CRIP2: variants seen among roughly 807,000 people sequenced by gnomAD.
CRIP2 encodes the protein cysteine rich protein 2, also known as cysteine-rich protein 2.
In CRIP2, 31 loss-of-function variants were observed where a neutral mutation model predicts 31.3. That is an observed-to-expected ratio of 0.99 (90% CI 0.74 to 1.34). The LOEUF (loss-of-function observed/expected upper bound fraction) is 1.34. CRIP2 is among the 40% of genes most tolerant of loss of function. The probability of loss-of-function intolerance (pLI) is 0.00; values close to 1 mark genes in which losing one functional copy is unlikely to be tolerated. For missense variants in CRIP2, 389 were observed against 301.6 expected, an observed-to-expected ratio of 1.29 and a Z score of -2.15; for synonymous variants, 177 against 127.2, an observed-to-expected ratio of 1.39 and a Z score of -2.63.
chr14:105,476,796 G>GT, intron 1 of CRIP2: 2 of 982,482 alleles, frequency 2.0e-6, no homozygotes, highest in South Asian at 9.4e-5. Flanking sequence ...CTCTAAGCTG[G>GT]TGCAGCCTTG....
At position 105,479,927 on chromosome 14, in the gene CRIP2, A is replaced by C; in HGVS notation, c.*274A>C. 3.9e-6 allele frequency: 2 copies of C among 508,050 alleles called. No homozygotes were observed. The highest frequency in any genetic ancestry group is 7.1e-6 in the Non-Finnish European group (2 of 280,042). The allele number at this position is 508,050 out of a possible 1,614,324, so 31.5% of individuals were successfully genotyped here. On this transcript the variant is annotated 3_prime_UTR_variant, in exon 8 of 8. Coordinates refer to ENST00000329146, the MANE Select transcript of CRIP2 (RefSeq NM_001312.4). ...ACCCTGTCCCAGCATTTTCCCGCCG[A>C]CCCTGCGTGTCCCCGTGGCGCTGTC...
rs782132634 is a variant in CRIP2 at position 105,479,252 on chromosome 14, G to T, written c.501+33G>T. The stretch of plus-strand genomic sequence containing the variant: ...GAGTGCAACGGGGCTTGGGGGCCGG[G>T]CAGGGGCGCGGGGTCGGGGGGATGA... On this transcript the variant is annotated intron_variant, in intron 6 of 7. Coordinates refer to ENST00000329146, the MANE Select transcript of CRIP2 (RefSeq NM_001312.4). 3.2e-6 allele frequency: 5 copies of T among 1,579,112 alleles called. No individual in the cohort carries two copies. In the South Asian group the frequency reaches 5.7e-5, roughly 18 times the overall value.
In CRIP2 at chr14:105,478,835, C is replaced by T. The variant is rs1428783972; in HGVS notation, c.301C>T (p.Arg101Trp). 4 of 1,426,992 alleles carry T rather than the reference C, an allele frequency of 2.8e-6. No individual in the cohort carries two copies. The highest frequency in any genetic ancestry group is 6.1e-5 in the Admixed American group (2 of 32,856). 88.4% of individuals were successfully genotyped at this position (1,426,992 alleles called of 1,614,324 possible). A position where few individuals can be genotyped will look rare whatever the true frequency, so the allele number is the denominator to read the frequency against. ...GGTCCCCGCGGCCCGAGCAGAGGAGCGGAAGGCGAGCGGCCCCCCGAAGGG... is the reference window on the plus strand; with the variant it reads ...GGTCCCCGCGGCCCGAGCAGAGGAGTGGAAGGCGAGCGGCCCCCCGAAGGG... Reference protein sequence around the residue: ...IEVPAARAEERKASGPPKGPS... With the variant: ...IEVPAARAEEWKASGPPKGPS... Residue 101 changes from arginine to tryptophan, a missense_variant, in exon 4 of 8, where the codon CGG (arginine) becomes TGG (tryptophan). By Grantham distance (101) the Arg-to-Trp change is moderately radical. Coordinates refer to ENST00000329146, the MANE Select transcript of CRIP2 (RefSeq NM_001312.4). The surrounding 1 kb of genome is among the most constrained non-coding windows in gnomAD (Gnocchi z 4.9).
chr14:105,479,266 T>G, intron 6 of CRIP2, 47 bp downstream of exon 6: 1 of 1,469,756 alleles, frequency 6.8e-7, no homozygotes, highest in Non-Finnish European at 9.3e-7. Flanking sequence ...GGGCGCGGGG[T>G]CGGGGGGATG....
At position 105,478,189 on chromosome 14, in the gene CRIP2, TG is replaced by T; in HGVS notation, c.44-75del. ...TGGGGACCCCCGGAGCGCGTGGGGG[TG>T]GTGGCTGCCAGGTGGGGGCGGAGGG... is the stretch of plus-strand genomic sequence containing the variant. On this transcript the variant is annotated intron_variant, in intron 1 of 7. Transcript: ENST00000329146. This position sits in a 1 kb window ranked among gnomAD's most constrained non-coding sequence, Gnocchi z 4.9. 8.6e-7 allele frequency: 1 copy of T among 1,164,316 alleles called. No homozygotes were observed. Among genetic ancestry groups the T allele is most frequent in the Non-Finnish European group, 1.2e-6 (1 of 866,040 alleles). 72.1% of individuals were successfully genotyped at this position (1,164,316 alleles called of 1,614,324 possible).
At chr14:105,477,184 C>T (rs1440128973) in intron 1 of CRIP2, 4 of 774,688 alleles carry the variant, frequency 5.2e-6, no homozygotes, top group South Asian at 1.2e-4. Flanking sequence ...CCCTTCCTGC[C>T]CCTCCCCACC....
upstream of CRIP2, chr14:105,473,144 A>T: frequency 1.5e-6 from 2 of 1,362,914 alleles, no homozygotes; most frequent in Non-Finnish European, 2.0e-6. Context: ...AGGGTTTGGC[A>T]GTGGGCCCAT....
At chr14:105,473,694 G>A (rs1555435207), upstream of CRIP2, among the ~76,000 whole-genome samples, 1 of 152,238 alleles carries the variant, frequency 6.6e-6, no homozygotes, top group Non-Finnish European at 1.5e-5. Context: ...GGAAGCCCGT[G>A]GGTGCGGAGG....
In CRIP2 at chr14:105,480,042, A is replaced by C. The variant is rs587691964; in HGVS notation, c.*389A>C. 25 of 225,630 alleles carry C rather than the reference A, an allele frequency of 1.1e-4. No homozygotes were observed. The South Asian group carries it at 1.7e-3, about 15-fold the overall frequency. 14.0% of individuals were successfully genotyped at this position (225,630 alleles called of 1,614,324 possible). On this transcript the variant is annotated 3_prime_UTR_variant, in exon 8 of 8. Transcript: ENST00000329146. ...GCCACGCCCTCACCATGTCCCTGGC[A>C]GAGGGCTTCCCTCCGGGATCCCCTG...
chr14:105,476,758 C>A (rs931859620), intron 1 of CRIP2: 49 of 985,448 alleles, frequency 5.0e-5, no homozygotes, highest in Non-Finnish European at 5.5e-5. Flanking sequence ...TCCCAGCTTC[C>A]TTGAGTGGAG....
chr14:105,476,840 C>A, intron 1 of CRIP2: 1 of 898,082 alleles, frequency 1.1e-6, no homozygotes, highest in Non-Finnish European at 1.3e-6. Context: ...CTGGCCCTGG[C>A]CATGCCCAGA....
rs782482868 is a variant in CRIP2, at chr14:105,478,281, C to T, written c.59C>T (p.Ser20Phe). 3.8e-6 allele frequency: 6 copies of T among 1,563,794 alleles called. No individual in the cohort carries two copies. The highest frequency in any genetic ancestry group is 3.5e-5 in the South Asian group (3 of 86,056). Residue 20 changes from serine to phenylalanine, a missense_variant, in exon 2 of 8, where the codon TCC becomes TTC. Ser to Phe is a radical substitution (Grantham distance 155, BLOSUM62 -2). Transcript: ENST00000329146. This position sits in a 1 kb window ranked among gnomAD's most constrained non-coding sequence, Gnocchi z 4.9. ...KTVYFAEKVSSLGKDWHKFCL... is the reference protein window; with the variant it reads ...KTVYFAEKVSFLGKDWHKFCL... ...TCCCGCTCAGCCGAGAAGGTGAGCTCCCTGGGGAAGGACTGGCACAAGTTC... is the reference window on the plus strand; with the variant it reads ...TCCCGCTCAGCCGAGAAGGTGAGCTTCCTGGGGAAGGACTGGCACAAGTTC...
chr14:105,478,883 G>A lies in CRIP2; in HGVS notation c.337+12G>A, dbSNP rs146761375. ...GGGGCCCAGCAGAGGTGGGCTGGGC[G>A]CGGGCTGGGGCTGGGGGTTGTGGGC... On this transcript the variant is annotated intron_variant, in intron 4 of 7. Coordinates refer to ENST00000329146, the MANE Select transcript of CRIP2 (RefSeq NM_001312.4). This position sits in a 1 kb window ranked among gnomAD's most constrained non-coding sequence, Gnocchi z 4.9. 75 of 1,443,224 alleles carry A rather than the reference G, an allele frequency of 5.2e-5. No homozygotes were observed. Among genetic ancestry groups the A allele is most frequent in the Non-Finnish European group, 6.5e-5 (72 of 1,108,742 alleles). 89.4% of individuals were successfully genotyped at this position (1,443,224 alleles called of 1,614,324 possible).
Position 105,479,512 on chromosome 14 carries a change from G to T in CRIP2, c.559+19G>T. 6.2e-7 allele frequency: 1 copy of T among 1,612,934 alleles called. No homozygotes were observed. Among genetic ancestry groups the T allele is most frequent in the Non-Finnish European group, 8.5e-7 (1 of 1,179,938 alleles). On this transcript the variant is annotated intron_variant, in intron 7 of 7. Coordinates refer to ENST00000329146, the MANE Select transcript of CRIP2 (RefSeq NM_001312.4). Reference sequence around the variant, plus strand: ...CCCAAGGGTGAGTGTAGCCAGGGTGGTCCACGATGTCTTCCCTGCCCTCCC... The same window carrying T: ...CCCAAGGGTGAGTGTAGCCAGGGTGTTCCACGATGTCTTCCCTGCCCTCCC...
chr14:105,473,570 T>C (rs2083877155), upstream of CRIP2: 1 of 1,498,062 alleles, frequency 6.7e-7, no homozygotes, highest in East Asian at 2.5e-5. Context: ...GTGTCCAGAG[T>C]CAGCTGCCCC....
chr14:105,473,872 C>G (rs587656748), upstream of CRIP2, among the ~76,000 whole-genome samples: 8 of 152,264 alleles, frequency 5.3e-5, no homozygotes, highest in East Asian at 1.5e-3. Context: ...GGCCCTGGGC[C>G]CCCAGGCACG....
intron 1 of CRIP2, chr14:105,475,954 G>C (rs893646918): frequency 4.1e-6 from 4 of 985,584 alleles, no homozygotes; most frequent in Non-Finnish European, 4.8e-6. Context: ...CCGCCACTGG[G>C]CTTCCCCGGC....
Position 105,477,336 on chromosome 14 carries a change from G to T in CRIP2, c.44-930G>T, listed in dbSNP as rs149828778. 6.9e-3 allele frequency: 6,824 copies of T among 985,568 alleles called. 14 individuals are homozygous for T. The highest frequency in any genetic ancestry group is 7.4e-3 in the Non-Finnish European group (6,107 of 830,074). 61.1% of individuals were successfully genotyped at this position (985,568 alleles called of 1,614,324 possible). ...CCTCAGATCTTCCATGCCAGTGGCA[G>T]CCAGGGGCATTACGGCGGGGGGAGA... On this transcript the variant is annotated intron_variant, in intron 1 of 7. Coordinates refer to ENST00000329146, the MANE Select transcript of CRIP2 (RefSeq NM_001312.4).
At position 105,478,779 on chromosome 14, in the gene CRIP2, C is replaced by T. The variant is rs913183069; in HGVS notation, c.245C>T (p.Ala82Val). Residue 82 changes from alanine to valine, a missense_variant, in exon 4 of 8, where the codon GCG (alanine) becomes GTG (valine). By Grantham distance (64) the Ala-to-Val change is moderately conservative (BLOSUM62 0). Coordinates refer to ENST00000329146, the MANE Select transcript of CRIP2 (RefSeq NM_001312.4). This position sits in a 1 kb window ranked among gnomAD's most constrained non-coding sequence, Gnocchi z 4.9. ...AGSYIYEKPLAEGPQVTGPIE... is the reference protein window; with the variant it reads ...AGSYIYEKPLVEGPQVTGPIE... The stretch of plus-strand genomic sequence containing the variant: ...TCCTACATCTACGAGAAGCCCCTGG[C>T]GGAGGGGCCGCAGGTCACCGGCCCC... 15 of 1,432,552 alleles carry T rather than the reference C, an allele frequency of 1.0e-5. 1 individual carries two copies. The East Asian group carries it at 2.1e-4, about 20-fold the overall frequency. 88.7% of individuals were successfully genotyped at this position (1,432,552 alleles called of 1,614,324 possible). A position where few individuals can be genotyped will look rare whatever the true frequency, so the allele number is the denominator to read the frequency against.
Sources: allele counts gnomAD v4.1 joint callset (sites outside exome capture counted in the v4.1 genomes callset), GRCh38; gene constraint gnomAD v4.1.1; non-coding constraint Gnocchi (gnomAD v3.1); transcripts MANE v1.5; gene names NCBI Gene and HGNC (gene_info 2026-07-23, HGNC 2026-07-21).